The following RORA variants were observed in gnomAD, a reference collection of about 807,000 sequenced individuals.
RORA encodes the protein RAR related orphan receptor A, also known as nuclear receptor ROR-alpha.
RORA carries 7 observed loss-of-function variants against 69.5 expected under a neutral mutation model. That is an observed-to-expected ratio of 0.10 (90% CI 0.06 to 0.19). The LOEUF is 0.19. RORA is among the 10% of genes least tolerant of loss of function. The probability of loss-of-function intolerance (pLI) is 1.00; values close to 1 mark genes in which losing one functional copy is unlikely to be tolerated. For missense variants in RORA, 457 were observed against 663.0 expected (o/e 0.69, Z 3.41); for synonymous variants, 261 against 240.8 (o/e 1.08, Z -0.78).
intron 1 of RORA, among the ~76,000 whole-genome samples, chr15:61,066,352 G>T (rs28663109): frequency 6.6e-6 from 1 of 150,842 alleles, no homozygotes; most frequent in African/African-American, 2.4e-5. Flanking sequence ...ACTTTTTTTA[G>T]GACCAAAGTG....
chr15:61,200,499 G>A (rs928311816), intron 1 of RORA, among the ~76,000 whole-genome samples: 7 of 152,170 alleles, frequency 4.6e-5, no homozygotes, highest in African/African-American at 1.7e-4. Flanking sequence ...TGACAGACAA[G>A]ACACCAAAAT....
chr15:60,806,728 G>A (rs1215447262), intron 1 of RORA, among the ~76,000 whole-genome samples: 1 of 152,214 alleles, frequency 6.6e-6, no homozygotes, highest in Non-Finnish European at 1.5e-5. Flanking sequence ...TAGGTTAGGA[G>A]TAGAGTTAGA....
At chr15:60,628,462 C>A (rs1326793939) in intron 2 of RORA, among the ~76,000 whole-genome samples, 1 of 152,144 alleles carries the variant, frequency 6.6e-6, no homozygotes, top group African/African-American at 2.4e-5. Flanking sequence ...AACTCCTGGG[C>A]TCAAGGGATC....
At chr15:61,018,832 GTA>G (rs1895401630) in intron 1 of RORA, among the ~76,000 whole-genome samples, 1 of 152,122 alleles carries the variant, frequency 6.6e-6, no homozygotes. Context: ...TGGTAAGGAT[GTA>G]TATGTCTATC....
intron 1 of RORA, among the ~76,000 whole-genome samples, chr15:60,891,194 C>T (rs1428767082): frequency 1.3e-5 from 2 of 152,198 alleles, no homozygotes; most frequent in Non-Finnish European, 2.9e-5. Flanking sequence ...CTTTTTGTAA[C>T]TGGCCCAAAC....
intron 1 of RORA, among the ~76,000 whole-genome samples, chr15:60,908,976 C>G (rs1421994850): frequency 6.6e-6 from 1 of 151,996 alleles, no homozygotes; most frequent in African/African-American, 2.4e-5. Flanking sequence ...TGCATTTCTC[C>G]CTCAGTGGCT....
At chr15:60,528,723 A>T (rs1367170965) in intron 3 of RORA, 1 of 152,198 alleles carries the variant, frequency 6.6e-6, no homozygotes, top group Non-Finnish European at 1.5e-5. Context: ...AACAGCTAAC[A>T]CTTAGTAAGT....
chr15:61,198,366 G>A (rs182601775), intron 1 of RORA, among the ~76,000 whole-genome samples: 4 of 152,196 alleles, frequency 2.6e-5, no homozygotes, highest in Admixed American at 2.6e-4. Flanking sequence ...GGAGACTTGA[G>A]TGCTGATGAT....
At chr15:61,030,603 T>C (rs778748826) in intron 1 of RORA, among the ~76,000 whole-genome samples, 1 of 152,128 alleles carries the variant, frequency 6.6e-6, no homozygotes, top group Admixed American at 6.6e-5. Context: ...AGTTGTCATG[T>C]TGTGTGAGAA....
chr15:61,135,605 C>T (rs1181653419), intron 1 of RORA, among the ~76,000 whole-genome samples: 1 of 131,862 alleles, frequency 7.6e-6, no homozygotes, highest in Non-Finnish European at 1.6e-5. Context: ...AAAACCACAA[C>T]TATCACCAAA....
At chr15:60,935,450 G>A (rs569693652) in intron 1 of RORA, among the ~76,000 whole-genome samples, 30 of 152,224 alleles carry the variant, frequency 2.0e-4, no homozygotes, top group Admixed American at 9.2e-4. Flanking sequence ...TGTGGCCTGA[G>A]GTTTCTTAAT....
chr15:61,023,255 A>T (rs1431418927), intron 1 of RORA, among the ~76,000 whole-genome samples: 1 of 151,860 alleles, frequency 6.6e-6, no homozygotes, highest in African/African-American at 2.4e-5. Flanking sequence ...CCTGATAAAG[A>T]CATACCTGAG....
At chr15:61,114,615 G>A (rs978541073) in intron 1 of RORA, among the ~76,000 whole-genome samples, 3 of 152,190 alleles carry the variant, frequency 2.0e-5, no homozygotes, top group African/African-American at 7.2e-5. Flanking sequence ...GATTCCTTAA[G>A]TAAAAATGCT....
chr15:61,169,324 G>A (rs1290728902), intron 1 of RORA, among the ~76,000 whole-genome samples: 2 of 151,686 alleles, frequency 1.3e-5, no homozygotes, highest in Non-Finnish European at 2.9e-5. Flanking sequence ...TGACGTTGAT[G>A]CTAAAAAATA....
chr15:61,216,664 T>C (rs1388661242), intron 1 of RORA, among the ~76,000 whole-genome samples: 3 of 151,820 alleles, frequency 2.0e-5, no homozygotes, highest in Non-Finnish European at 2.9e-5. Context: ...ACAAGAATAG[T>C]GGGAGCAGGG....
intron 1 of RORA, among the ~76,000 whole-genome samples, chr15:61,159,804 A>G (rs2079478692): frequency 6.6e-6 from 1 of 152,182 alleles, no homozygotes; most frequent in African/African-American, 2.4e-5. Context: ...TACCAAATTC[A>G]TTTTGTGAGG....
intron 2 of RORA, among the ~76,000 whole-genome samples, chr15:60,585,323 C>G (rs370688822): frequency 2.0e-5 from 3 of 152,142 alleles, no homozygotes; most frequent in Non-Finnish European, 4.4e-5. Context: ...GAATGCTTGT[C>G]GCTACCTCAT....
intron 1 of RORA, among the ~76,000 whole-genome samples, chr15:60,909,615 C>T (rs1195067618): frequency 2.0e-5 from 3 of 152,146 alleles, no homozygotes; most frequent in East Asian, 1.9e-4. Context: ...ATCTACTTCC[C>T]TCATTTTATA....
At chr15:60,793,267 C>T (rs1314125155) in intron 1 of RORA, among the ~76,000 whole-genome samples, 1 of 152,160 alleles carries the variant, frequency 6.6e-6, no homozygotes, top group Non-Finnish European at 1.5e-5. Context: ...GTTACAGTAA[C>T]TAAGTCTTAG....
Sources: allele counts gnomAD v4.1 joint callset (sites outside exome capture counted in the v4.1 genomes callset), GRCh38; gene constraint gnomAD v4.1.1; transcripts MANE v1.5; gene names NCBI Gene and HGNC (gene_info 2026-07-23, HGNC 2026-07-21).